Variants in EMC3 observed in about 807,000 individuals in gnomAD.
The protein encoded by EMC3 is ER membrane protein complex subunit 3.
A neutral mutation model predicts 36.6 loss-of-function variants in EMC3; 13 were observed. The observed-to-expected ratio is 0.35, with a 90% CI of 0.23 to 0.56. The LOEUF (loss-of-function observed/expected upper bound fraction) is 0.56, where lower values mean the gene tolerates loss of function less well. EMC3 is among the 20% of genes least tolerant of loss of function. EMC3 has a pLI of 0.84. For synonymous variants in EMC3, 120 were observed against 111.9 expected (o/e 1.07, Z -0.46); for missense variants, 220 against 324.5 (o/e 0.68, Z 2.47).
rs748143903 is a variant in EMC3 at position 9,986,519 on chromosome 3, T to G, written c.143A>C (p.Gln48Pro). Residue 48 changes from glutamine to proline, a missense_variant, in exon 1 of 8, where the codon CAA (glutamine) becomes CCA (proline). Physicochemically the swap from Gln to Pro is moderately conservative, Grantham distance 76 (BLOSUM62 -1). Coordinates refer to ENST00000245046, the MANE Select transcript of EMC3 (RefSeq NM_001394674.1). ...GGAGGGCGCTGACCTGTCAGATACT[T>G]GTTCCTGGGTGAGCTTCTTGTCGCT... ...LQSDKKLTQE[Q>P]VSDSQVLIRS... The G allele has an allele frequency of 6.2e-7, 1 of 1,614,140 alleles. No individual in the cohort carries two copies. The highest frequency in any genetic ancestry group is 1.1e-5 in the South Asian group (1 of 91,082).
chr3:9,992,250 A>G lies in EMC3; in HGVS notation c.-241-5348T>C, dbSNP rs1333550713. 3.9e-5 allele frequency among the ~76,000 whole-genome samples: 6 copies of G among 152,026 alleles called. No individual in the cohort carries two copies. The South Asian group carries it at 1.0e-3, about 26-fold the overall frequency. On this transcript the variant is annotated intron_variant, in intron 1 of 8. Transcript: ENST00000470827. ...GTTGACCTGCCTCAGCCTCCTGAGT[A>G]GCTGGGATTGCAGGCAGTTGCCACC...
At chr3:9,976,896 C>T (rs1453395217) in intron 3 of EMC3, 61 bp downstream of exon 3, 11 of 1,221,408 alleles carry the variant, frequency 9.0e-6, no homozygotes, top group East Asian at 2.3e-5. Flanking sequence ...GCCTACCCCA[C>T]CCCACTCAAA....
Position 9,963,477 on chromosome 3 carries a change from A to ATATATATATAT in EMC3, c.*591_*592insATATATATATA, listed in dbSNP as rs61596273. The ATATATATATAT allele has an allele frequency of 3.6e-4, 32 of 88,918 alleles. No homozygotes were observed. Among genetic ancestry groups the ATATATATATAT allele is most frequent in the Non-Finnish European group, 5.8e-4 (27 of 46,262 alleles). The allele number at this position is 88,918 out of a possible 1,614,324, so 5.5% of individuals were successfully genotyped here. A position where few individuals can be genotyped will look rare whatever the true frequency, so the allele number is the denominator to read the frequency against. The stretch of plus-strand genomic sequence containing the variant: ...TAGATATATATATATATATATATAT[A>ATATATATATAT]TTTTTTTTTTTTTTTCAGATGGAGT... On this transcript the variant is annotated 3_prime_UTR_variant, in exon 8 of 8. Transcript: ENST00000245046.
chr3:9,968,108 G>C (rs2085750289), intron 7 of EMC3, among the ~76,000 whole-genome samples: 1 of 152,158 alleles, frequency 6.6e-6, no homozygotes, highest in Non-Finnish European at 1.5e-5. Flanking sequence ...TTTTAGTAGA[G>C]ATGGCGTTTC....
intron 5 of EMC3, among the ~76,000 whole-genome samples, chr3:9,971,143 G>A (rs1256257887): frequency 1.3e-5 from 2 of 152,026 alleles, no homozygotes; most frequent in South Asian, 2.1e-4. Context: ...AGCTGGTCTC[G>A]AACTCCTGAC....
intron 5 of EMC3, among the ~76,000 whole-genome samples, chr3:9,973,106 G>A (rs1389526795): frequency 1.3e-5 from 2 of 149,906 alleles, no homozygotes; most frequent in African/African-American, 4.9e-5. Context: ...TTACAGGTGT[G>A]AGCCACCGCA....
chr3:9,983,877 T>C (rs1374807802), intron 1 of EMC3, among the ~76,000 whole-genome samples: 1 of 152,138 alleles, frequency 6.6e-6, no homozygotes, highest in East Asian at 1.9e-4. Context: ...TGAGTTCAAG[T>C]ACAGGCACAA....
At chr3:9,987,015 AC>A (rs2085983432), upstream of EMC3, 55 of 1,049,202 alleles carry the variant, frequency 5.2e-5, no homozygotes, top group Non-Finnish European at 6.3e-5. Context: ...GGGGATCGAG[AC>A]CATCCTGGCT....
intron 1 of EMC3, chr3:10,006,581 C>G (rs1385134505): frequency 5.6e-6 from 1 of 178,974 alleles, no homozygotes; most frequent in East Asian, 1.7e-4. Context: ...TTGATCTAAA[C>G]AAGTTGACCC....
chr3:10,008,573 AG>A (rs1165665394), intron 1 of EMC3: 2 of 776,882 alleles, frequency 2.6e-6, no homozygotes, highest in African/African-American at 3.6e-5. Flanking sequence ...AGGGTCAGAT[AG>A]TGGGGGGTGG....
chr3:9,991,930 A>ACAATGGGGTTTGCGCT (rs1287544227), intron 1 of EMC3, among the ~76,000 whole-genome samples: 1 of 152,116 alleles, frequency 6.6e-6, no homozygotes, highest in East Asian at 1.9e-4. Context: ...TGTGCAGTTC[A>ACAATGGGGTTTGCGCT]CAATGGGGTT....
chr3:10,003,565 G>A (rs1421027688), intron 1 of EMC3: 6 of 270,036 alleles, frequency 2.2e-5, no homozygotes, highest in African/African-American at 6.6e-5. Flanking sequence ...ACCATTGGCC[G>A]TGGCACGTTC....
upstream of EMC3, chr3:9,987,410 T>A (rs1482707607): frequency 4.2e-6 from 2 of 480,938 alleles, no homozygotes; most frequent in Non-Finnish European, 5.4e-6. Flanking sequence ...GATGGGATAG[T>A]CCCCACAGGT....
At chr3:9,979,025 A>C (rs1025900550) in intron 1 of EMC3, among the ~76,000 whole-genome samples, 3 of 152,160 alleles carry the variant, frequency 2.0e-5, no homozygotes, top group Non-Finnish European at 2.9e-5. Flanking sequence ...ATCATGCCTT[A>C]ACATCTTCAA....
upstream of EMC3, among the ~76,000 whole-genome samples, chr3:9,991,037 C>T (rs975277991): frequency 2.6e-5 from 4 of 151,994 alleles, no homozygotes; most frequent in Admixed American, 2.0e-4. Context: ...ACCATGTTAG[C>T]CAGGATGGTC....
At chr3:9,996,233 C>T (rs1448464311) in intron 1 of EMC3, among the ~76,000 whole-genome samples, 3 of 152,288 alleles carry the variant, frequency 2.0e-5, no homozygotes, top group South Asian at 2.1e-4. Flanking sequence ...CACATGTGCC[C>T]TGGAGTTTGA....
At chr3:9,970,549 G>C (rs1217239326) in intron 6 of EMC3, 33 bp downstream of exon 6, 1 of 1,604,826 alleles carries the variant, frequency 6.2e-7, no homozygotes, top group Admixed American at 1.7e-5. Flanking sequence ...ATCTATGGAA[G>C]TATTTGCTTA....
At position 9,974,418 on chromosome 3, in the gene EMC3, T is replaced by C. The variant is rs1257304203; in HGVS notation, c.378A>G (p.Gly126=). The C allele has an allele frequency of 6.2e-7, 1 of 1,613,938 alleles. No individual in the cohort carries two copies. Among genetic ancestry groups the C allele is most frequent in the East Asian group, 2.2e-5 (1 of 44,884 alleles). The part of the protein sequence containing the change: ...TNVLPMILIG[G]WINMTFSGFV... ...AGCCTGAGAATGTCATGTTGATCCA[T>C]CCACCAATAAGAATCATAGGGAGGA... is the stretch of plus-strand genomic sequence containing the variant. The change falls in exon 4 of 8, where the codon GGA becomes GGG. Residue 126 remains glycine, a synonymous_variant. Transcript: ENST00000245046.
At chr3:10,008,087 C>A (rs966728823) in intron 1 of EMC3, among the ~76,000 whole-genome samples, 4 of 152,144 alleles carry the variant, frequency 2.6e-5, no homozygotes, top group African/African-American at 9.7e-5. Flanking sequence ...CAGTTTGTAC[C>A]CCCAGAAAGA....
Sources: gnomAD v4.1 joint callset for allele counts (sites outside exome capture counted in the v4.1 genomes callset) on GRCh38, gnomAD v4.1.1 for gene constraint, MANE v1.5 for transcripts, NCBI Gene and HGNC (gene_info 2026-07-23, HGNC 2026-07-21) for gene names.